Variants in CPNE4 observed in about 807,000 individuals in gnomAD.
The protein encoded by CPNE4 is copine 4.
In CPNE4, 25 loss-of-function variants were observed where a neutral mutation model predicts 67.9. The ratio of observed to expected loss-of-function variants is 0.37; its 90% CI spans 0.27 to 0.51. The LOEUF (loss-of-function observed/expected upper bound fraction) is 0.51. Ranked by LOEUF, CPNE4 falls within the 20% of genes least tolerant of loss-of-function variation. CPNE4 has a pLI of 0.93. For missense variants in CPNE4, 464 were observed against 690.8 expected, an observed-to-expected ratio of 0.67 and a Z score of 3.68; for synonymous variants, 242 against 244.9, an observed-to-expected ratio of 0.99 and a Z score of 0.11.
At chr3:131,566,657 T>C (rs2107669022) in intron 10 of CPNE4, among the ~76,000 whole-genome samples, 1 of 152,036 alleles carries the variant, frequency 6.6e-6, no homozygotes, top group Non-Finnish European at 1.5e-5. Context: ...AGAGACAATG[T>C]TTGAGAAAAT....
intron 10 of CPNE4, among the ~76,000 whole-genome samples, chr3:131,567,054 G>A (rs147074914): frequency 2.0e-5 from 3 of 151,976 alleles, no homozygotes; most frequent in African/African-American, 7.2e-5. Flanking sequence ...ACCTCTGAAG[G>A]CATCATGCTT....
chr3:131,844,457 G>A (rs1440684243), intron 2 of CPNE4, among the ~76,000 whole-genome samples: 4 of 151,884 alleles, frequency 2.6e-5, no homozygotes, highest in South Asian at 2.1e-4. Flanking sequence ...CAGTAGAGAC[G>A]AGGTTTCACC....
chr3:131,992,833 G>A lies in CPNE4; in HGVS notation c.-2+41734C>T, dbSNP rs906008347. On this transcript the variant is annotated intron_variant, in intron 1 of 15. Coordinates refer to ENST00000429747, the MANE Select transcript of CPNE4 (RefSeq NM_130808.3). ...CTAGTGATAGTGAGTGAGTTCTCAC[G>A]AGATCTAAGGGCTTTATAAGAGGCT... Among the ~76,000 whole-genome samples the A allele has an allele frequency of 5.2e-5, 7 of 135,696 alleles. 2 individuals carry two copies. In the East Asian group the frequency reaches 9.6e-4, roughly 19 times the overall value. The allele number at this position is 135,696 out of a possible 152,430, so 89.0% of individuals were successfully genotyped here.
intron 1 of CPNE4, among the ~76,000 whole-genome samples, chr3:131,923,778 G>C (rs1215258766): frequency 6.6e-6 from 1 of 151,048 alleles, no homozygotes; most frequent in African/African-American, 2.4e-5. Flanking sequence ...GAGGGGTCTG[G>C]GGTAAAAGAT....
chr3:131,978,533 TATATATAA>T (rs1418506809), intron 1 of CPNE4, among the ~76,000 whole-genome samples: 5 of 72,694 alleles, frequency 6.9e-5, no homozygotes, highest in Non-Finnish European at 1.2e-4. Flanking sequence ...TAAATATAAA[TATATATAA>T]ATATATATAT....
At chr3:132,027,968 G>A (rs1166942148) in intron 1 of CPNE4, among the ~76,000 whole-genome samples, 2 of 152,078 alleles carry the variant, frequency 1.3e-5, no homozygotes, top group Admixed American at 6.5e-5. Context: ...TCACTTAATG[G>A]TAAAGGTTCT....
At chr3:131,627,666 CA>C (rs2079114232) in intron 7 of CPNE4, among the ~76,000 whole-genome samples, 1 of 152,196 alleles carries the variant, frequency 6.6e-6, no homozygotes, top group Admixed American at 6.5e-5. Context: ...GGGAGGAGGT[CA>C]AACTACAAGC....
intron 2 of CPNE4, among the ~76,000 whole-genome samples, chr3:131,741,188 G>A (rs550197223): frequency 6.6e-6 from 1 of 152,054 alleles, no homozygotes; most frequent in East Asian, 1.9e-4. Flanking sequence ...GTTTATCCCG[G>A]CATAATGTAA....
intron 1 of CPNE4, among the ~76,000 whole-genome samples, chr3:131,965,241 GA>G (rs1056492324): frequency 2.0e-5 from 3 of 152,076 alleles, no homozygotes; most frequent in Admixed American, 1.3e-4. Flanking sequence ...ATATGGAAAA[GA>G]AAAAACAGTA....
At chr3:131,940,075 T>G (rs1372532971) in intron 1 of CPNE4, among the ~76,000 whole-genome samples, 2 of 152,134 alleles carry the variant, frequency 1.3e-5, no homozygotes, top group Non-Finnish European at 2.9e-5. Context: ...GCTCTAACCC[T>G]GTCCTGGAAG....
At chr3:131,722,856 A>G (rs1309575248) in intron 3 of CPNE4, among the ~76,000 whole-genome samples, 1 of 152,234 alleles carries the variant, frequency 6.6e-6, no homozygotes, top group African/African-American at 2.4e-5. Context: ...TAACACTGCT[A>G]CTTATTAGGT....
intron 1 of CPNE4, among the ~76,000 whole-genome samples, chr3:132,027,786 G>T (rs1268927135): frequency 6.6e-6 from 1 of 151,848 alleles, no homozygotes; most frequent in Non-Finnish European, 1.5e-5. Context: ...ATCTTGCAAT[G>T]CTAGTGGCTA....
intron 2 of CPNE4, among the ~76,000 whole-genome samples, chr3:131,801,342 TATATATATGTACC>T (rs1202090317): frequency 2.0e-5 from 2 of 102,418 alleles, no homozygotes; most frequent in Admixed American, 2.4e-4. Context: ...CATACATATA[TATATATATGTACC>T]ATATATATAT....
At chr3:131,958,811 A>T (rs1409408601) in intron 1 of CPNE4, among the ~76,000 whole-genome samples, 2 of 150,312 alleles carry the variant, frequency 1.3e-5, no homozygotes, top group African/African-American at 4.9e-5. Context: ...GGTGCCCGCC[A>T]CCACGCCCAG....
In CPNE4 at chr3:131,718,843, G is replaced by A. The variant is rs72985816; in HGVS notation, c.360+4603C>T. On this transcript the variant is annotated intron_variant, in intron 3 of 15. Coordinates refer to ENST00000429747, the MANE Select transcript of CPNE4 (RefSeq NM_130808.3). ...GGCATATCCAGGGTGCTTGCTAAAC[G>A]TTTGTTATGAAAGCTTGGCATGCAA... 9.0e-3 allele frequency among the ~76,000 whole-genome samples: 1,368 copies of A among 152,258 alleles called. 17 individuals are homozygous for A. Among genetic ancestry groups the A allele is most frequent in the African/African-American group, 0.029 (1,199 of 41,556 alleles).
chr3:131,887,256 C>G (rs555016222), intron 2 of CPNE4, among the ~76,000 whole-genome samples: 1 of 152,328 alleles, frequency 6.6e-6, no homozygotes, highest in South Asian at 2.1e-4. Context: ...TCGTCATTCT[C>G]TCTTTGCCTG....
chr3:131,663,747 A>T (rs1471775525), intron 7 of CPNE4, among the ~76,000 whole-genome samples: 1 of 152,152 alleles, frequency 6.6e-6, no homozygotes, highest in African/African-American at 2.4e-5. Flanking sequence ...TAGACGGCGC[A>T]AAGAACAAGC....
chr3:131,892,987 C>T (rs1201487948), intron 2 of CPNE4, among the ~76,000 whole-genome samples: 1 of 151,920 alleles, frequency 6.6e-6, no homozygotes, highest in Non-Finnish European at 1.5e-5. Flanking sequence ...TTATTAACAA[C>T]CTTGAATATA....
chr3:131,798,073 G>T (rs1281280309), intron 2 of CPNE4, among the ~76,000 whole-genome samples: 3 of 152,124 alleles, frequency 2.0e-5, no homozygotes, highest in African/African-American at 7.2e-5. Flanking sequence ...AGCCCTATCA[G>T]ATTAGGGTCC....
Sources: gnomAD v4.1 joint callset for allele counts (sites outside exome capture counted in the v4.1 genomes callset) on GRCh38, gnomAD v4.1.1 for gene constraint, MANE v1.5 for transcripts, NCBI Gene and HGNC (gene_info 2026-07-23, HGNC 2026-07-21) for gene names.